Variants in TTC3 observed in about 807,000 individuals in gnomAD.
TTC3 encodes E3 ubiquitin-protein ligase TTC3.
A neutral mutation model predicts 249.6 loss-of-function variants in TTC3; 180 were observed. The ratio of observed to expected loss-of-function variants is 0.72; its 90% CI spans 0.64 to 0.82. The LOEUF is 0.82. Ranked by LOEUF, TTC3 falls within the 40% of genes least tolerant of loss-of-function variation. TTC3 has a pLI of 0.00. For missense variants in TTC3, 2,061 were observed against 2,398.4 expected, an observed-to-expected ratio of 0.86 and a Z score of 2.94; for synonymous variants, 717 against 805.0, an observed-to-expected ratio of 0.89 and a Z score of 1.85.
At chr21:37,165,792 A>G (rs140311068) in exon 33 of TTC3, 10 of 1,613,926 alleles carry the variant, frequency 6.2e-6, no homozygotes, top group Admixed American at 1.7e-5. Flanking sequence ...AAAGTAGAAG[A>G]AATTTCAAAA....
At chr21:37,091,871 G>A (rs1321344119) in intron 7 of TTC3, among the ~76,000 whole-genome samples, 2 of 152,152 alleles carry the variant, frequency 1.3e-5, no homozygotes, top group African/African-American at 2.4e-5. Context: ...GTGGGCCACC[G>A]TGCCTGGCCG....
chr21:37,079,609 G>A (rs2071363149), intron 1 of TTC3, among the ~76,000 whole-genome samples: 1 of 135,264 alleles, frequency 7.4e-6, no homozygotes, highest in African/African-American at 2.8e-5. Flanking sequence ...CCATCTCATT[G>A]CAACCTCTGC....
intron 20 of TTC3, 92 bp downstream of exon 20, chr21:37,140,765 A>G: frequency 2.4e-6 from 2 of 825,562 alleles, no homozygotes; most frequent in Non-Finnish European, 3.7e-6. Flanking sequence ...TTATTTTGAT[A>G]TCTCCTCTGT....
At chr21:37,166,888 C>T (rs767908261) in intron 33 of TTC3, among the ~76,000 whole-genome samples, 16 of 152,242 alleles carry the variant, frequency 1.1e-4, no homozygotes, top group South Asian at 8.3e-4. Flanking sequence ...GGAGCCAAAA[C>T]GTCATCCTAA....
intron 38 of TTC3, among the ~76,000 whole-genome samples, chr21:37,187,432 C>T (rs2083429264): frequency 6.6e-6 from 1 of 152,166 alleles, no homozygotes; most frequent in Non-Finnish European, 1.5e-5. Flanking sequence ...CTATATTATA[C>T]ACTTTGAATA....
At chr21:37,169,541 CTCAG>C (rs1416465023) in intron 34 of TTC3, among the ~76,000 whole-genome samples, 2 of 151,554 alleles carry the variant, frequency 1.3e-5, no homozygotes, top group African/African-American at 4.9e-5. Context: ...GAGACTCCAT[CTCAG>C]TCAGTCAATC....
At chr21:37,081,439 A>G (rs1468684676) in intron 1 of TTC3, among the ~76,000 whole-genome samples, 2 of 152,072 alleles carry the variant, frequency 1.3e-5, no homozygotes, top group Non-Finnish European at 1.5e-5. Flanking sequence ...TTTGAAGAAA[A>G]TATCATTTTT....
At chr21:37,134,880 A>G (rs2077791931) in intron 17 of TTC3, among the ~76,000 whole-genome samples, 1 of 152,204 alleles carries the variant, frequency 6.6e-6, no homozygotes, top group African/African-American at 2.4e-5. Flanking sequence ...AATATATGTT[A>G]GGCAGGAGTA....
At chr21:37,111,281 C>T (rs983534537) in intron 11 of TTC3, among the ~76,000 whole-genome samples, 1 of 152,090 alleles carries the variant, frequency 6.6e-6, no homozygotes, top group East Asian at 1.9e-4. Context: ...AGAGTCAAGA[C>T]CGATCAGTGT....
intron 11 of TTC3, among the ~76,000 whole-genome samples, chr21:37,111,246 A>G (rs1030296928): frequency 6.6e-6 from 1 of 152,242 alleles, no homozygotes; most frequent in East Asian, 1.9e-4. Context: ...TCCAATTAAA[A>G]GGCACAGACT....
intron 2 of TTC3, 141 bp downstream of exon 2, chr21:37,087,542 A>T (rs1325738532): frequency 9.2e-7 from 1 of 1,083,848 alleles, no homozygotes; most frequent in Non-Finnish European, 1.3e-6. Flanking sequence ...TGATTTGAGA[A>T]GGGAAAGTAA....
Position 37,150,899 on chromosome 21 carries a change from A to C in TTC3, c.2276+15A>C. The stretch of plus-strand genomic sequence containing the variant: ...AAATGTTCTAGGTAAGATTTTTAAC[A>C]ATCAATCAGTGGTTTGATGATGTCT... On this transcript the variant is annotated intron_variant, in intron 25 of 45. Transcript: ENST00000355666. 6.4e-7 allele frequency: 1 copy of C among 1,566,070 alleles called. No individual in the cohort carries two copies. The highest frequency in any genetic ancestry group is 8.8e-7 in the Non-Finnish European group (1 of 1,141,290).
rs985324369 is a variant in TTC3 at position 37,156,913 on chromosome 21, G to A, written c.2992+7G>A. The A allele has an allele frequency of 3.1e-6, 5 of 1,612,092 alleles. No homozygotes were observed. The highest frequency in any genetic ancestry group is 1.7e-5 in the Admixed American group (1 of 59,916). ...GAATTCTTTGATATAATGGGTATGTGGACTGAGTTTAGACTTATATTACAT... is the reference window on the plus strand; with the variant it reads ...GAATTCTTTGATATAATGGGTATGTAGACTGAGTTTAGACTTATATTACAT... On this transcript the variant is annotated splice_region_variant and intron_variant, in intron 28 of 45. Coordinates refer to ENST00000355666, the Ensembl canonical transcript of TTC3.
intron 41 of TTC3, chr21:37,194,857 A>G (rs1285056210): frequency 6.6e-6 from 1 of 151,992 alleles, no homozygotes; most frequent in Non-Finnish European, 1.5e-5. Context: ...AGTGATTTCC[A>G]TTTGTTCGAT....
At chr21:37,191,192 G>T (rs2084046456) in intron 39 of TTC3, 142 bp from the exon 40 acceptor site, 1 of 515,000 alleles carries the variant, frequency 1.9e-6, no homozygotes, top group Non-Finnish European at 3.3e-6. Context: ...TACAAGATAA[G>T]CAATTCCTTA....
chr21:37,107,542 T>C (rs1427308567), intron 10 of TTC3, among the ~76,000 whole-genome samples: 2 of 152,196 alleles, frequency 1.3e-5, no homozygotes, highest in Non-Finnish European at 2.9e-5. Context: ...TCTAATTTAA[T>C]ATCTACCTCA....
chr21:37,127,532 G>T (rs1003004730), intron 15 of TTC3, among the ~76,000 whole-genome samples: 2 of 152,152 alleles, frequency 1.3e-5, no homozygotes, highest in Non-Finnish European at 2.9e-5. Flanking sequence ...ATGCTTCCCT[G>T]CCTTTTAACA....
At chr21:37,079,233 G>A (rs933927642) in intron 1 of TTC3, among the ~76,000 whole-genome samples, 1 of 151,612 alleles carries the variant, frequency 6.6e-6, no homozygotes, top group African/African-American at 2.4e-5. Flanking sequence ...TTCTTTATTG[G>A]CTGTCTTATC....
intron 41 of TTC3, among the ~76,000 whole-genome samples, chr21:37,193,347 C>A (rs975513046): frequency 4.2e-5 from 6 of 141,780 alleles, no homozygotes; most frequent in Admixed American, 2.9e-4. Context: ...AACATTCAAA[C>A]TTACTGTGAA....
Sources: gnomAD v4.1 joint callset for allele counts (sites outside exome capture counted in the v4.1 genomes callset) on GRCh38, gnomAD v4.1.1 for gene constraint, MANE v1.5 for transcripts, NCBI Gene and HGNC (gene_info 2026-07-23, HGNC 2026-07-21) for gene names.